Variants in CLPB observed in about 807,000 individuals in gnomAD.
The protein encoded by CLPB is mitochondrial disaggregase.
In CLPB, 40 loss-of-function variants were observed where a neutral mutation model predicts 78.4. The observed-to-expected ratio is 0.51, with a 90% CI of 0.40 to 0.66. CLPB has a LOEUF of 0.66. Among genes scored for constraint, CLPB ranks in the 30% least tolerant of loss-of-function variants. The pLI, the probability that CLPB is intolerant of heterozygous loss-of-function variation, is 0.00. For synonymous variants in CLPB, 333 were observed against 348.0 expected (o/e 0.96, Z 0.48); for missense variants, 780 against 886.9 (o/e 0.88, Z 1.53).
chr11:72,373,056 G>A (rs1951074329), intron 4 of CLPB: 25 of 1,558,342 alleles, frequency 1.6e-5, no homozygotes, highest in Non-Finnish European at 2.2e-5. Flanking sequence ...AGCAGGCCAG[G>A]TCCTGCAGGC....
In CLPB at chr11:72,289,478, A is replaced by G. The variant is rs1157620480; in HGVS notation, c.*3889T>C. On this transcript the variant is annotated 3_prime_UTR_variant, in exon 16 of 16. Transcript: ENST00000538039. ...AAGGAGCAGAAACAGAGATAGCAGGAGAAAAAGCAGAAAAAGAATAGTAAG... is the reference window on the plus strand; with the variant it reads ...AAGGAGCAGAAACAGAGATAGCAGGGGAAAAAGCAGAAAAAGAATAGTAAG... The G allele has an allele frequency of 6.6e-6, 1 of 152,218 alleles. No individual in the cohort carries two copies. The highest frequency in any genetic ancestry group is 1.5e-5 in the Non-Finnish European group (1 of 68,042). 9.4% of individuals were successfully genotyped at this position (152,218 alleles called of 1,614,324 possible). A position where few individuals can be genotyped will look rare whatever the true frequency, so the allele number is the denominator to read the frequency against.
chr11:72,286,090 A>C lies in CLPB; in HGVS notation c.*7277T>G, dbSNP rs2508866. ...GAGACCACAGGTGGATGCCACCACA[A>C]CCAGCTAATTTTTTGCAGAGATGGG... On this transcript the variant is annotated 3_prime_UTR_variant, in exon 16 of 16. Transcript: ENST00000538039. 15,863 of 151,664 alleles carry C rather than the reference A, an allele frequency of 0.1. 1,491 individuals are homozygous for C. Among genetic ancestry groups the C allele is most frequent in the African/African-American group, 0.25 (10,222 of 41,298 alleles). The allele number at this position is 151,664 out of a possible 1,614,324, so 9.4% of individuals were successfully genotyped here. A position where few individuals can be genotyped will look rare whatever the true frequency, so the allele number is the denominator to read the frequency against.
chr11:72,303,272 C>T (rs1949691523), intron 9 of CLPB, among the ~76,000 whole-genome samples: 1 of 152,234 alleles, frequency 6.6e-6, no homozygotes, highest in African/African-American at 2.4e-5. Flanking sequence ...TCCTGCTTCT[C>T]CTGAGAGCCG....
At chr11:72,315,521 C>T (rs1438384050) in intron 7 of CLPB, among the ~76,000 whole-genome samples, 8 of 152,212 alleles carry the variant, frequency 5.3e-5, no homozygotes, top group African/African-American at 1.9e-4. Flanking sequence ...TTATCTCCTC[C>T]GTTTGTAAGG....
intron 5 of CLPB, among the ~76,000 whole-genome samples, chr11:72,339,563 G>T (rs1200968211): frequency 6.6e-6 from 1 of 152,152 alleles, no homozygotes; most frequent in South Asian, 2.1e-4. Context: ...CGCTTAGGAG[G>T]TTTCCTACTT....
In CLPB at chr11:72,421,941, G is replaced by C. The variant is rs371121253; in HGVS notation, c.455+8371C>G. On this transcript the variant is annotated intron_variant, in intron 2 of 15. Transcript: ENST00000538039. ...AGCCTAGGGTTTCAGTGTGTGATCT[G>C]GACCCTTCCAGAAGGACTCAGCTTT... Among the ~76,000 whole-genome samples the C allele has an allele frequency of 1.2e-4, 19 of 152,260 alleles. No homozygotes were observed. In the South Asian group the frequency reaches 3.9e-3, roughly 32 times the overall value.
At chr11:72,309,989 A>G (rs2135515317) in intron 7 of CLPB, among the ~76,000 whole-genome samples, 1 of 152,332 alleles carries the variant, frequency 6.6e-6, no homozygotes, top group Admixed American at 6.5e-5. Context: ...AGGTCTGGGA[A>G]GGTTCTCTGG....
chr11:72,429,069 C>T (rs1326118612), intron 2 of CLPB: 1 of 152,164 alleles, frequency 6.6e-6, no homozygotes, highest in Non-Finnish European at 1.5e-5. Context: ...TACCCGTACT[C>T]CTGTACTGCA....
At chr11:72,369,182 C>T (rs1012087959) in intron 4 of CLPB, among the ~76,000 whole-genome samples, 4 of 152,140 alleles carry the variant, frequency 2.6e-5, no homozygotes, top group Non-Finnish European at 5.9e-5. Context: ...CTTTTTAGTG[C>T]AGACCCAGGG....
Position 72,291,723 on chromosome 11 carries a change from A to C in CLPB, c.*1644T>G, listed in dbSNP as rs1232746953. Reference sequence around the variant, plus strand: ...TTTCTGCAACTTTCTCTAAGTCTAAAATTATTTCAAAACAAAAAGTAAAAA... The same window carrying C: ...TTTCTGCAACTTTCTCTAAGTCTAACATTATTTCAAAACAAAAAGTAAAAA... On this transcript the variant is annotated 3_prime_UTR_variant, in exon 16 of 16. Transcript: ENST00000538039. The C allele has an allele frequency of 6.6e-6, 1 of 152,056 alleles. No homozygotes were observed. The highest frequency in any genetic ancestry group is 1.5e-5 in the Non-Finnish European group (1 of 68,024). The allele number at this position is 152,056 out of a possible 1,614,324, so 9.4% of individuals were successfully genotyped here. A position where few individuals can be genotyped will look rare whatever the true frequency, so the allele number is the denominator to read the frequency against.
At chr11:72,362,231 T>C (rs909965322) in intron 4 of CLPB, among the ~76,000 whole-genome samples, 4 of 152,340 alleles carry the variant, frequency 2.6e-5, no homozygotes, top group Admixed American at 6.5e-5. Flanking sequence ...CCTCCTACGT[T>C]TGAGGTAGTT....
rs1218680437 is a variant in CLPB, at chr11:72,294,008, G to A, written c.1785+14C>T. 1.9e-6 allele frequency: 3 copies of A among 1,609,948 alleles called. No homozygotes were observed. The highest frequency in any genetic ancestry group is 2.5e-6 in the Non-Finnish European group (3 of 1,177,258). On this transcript the variant is annotated intron_variant, in intron 15 of 15. Coordinates refer to ENST00000538039, the MANE Select transcript of CLPB (RefSeq NM_001258392.3). Reference sequence around the variant, plus strand: ...GGTGTGGAGGCGCCTCATTTCTCAGGCTCCTGTGCTCACCTCATGTTTGAT... The same window carrying A: ...GGTGTGGAGGCGCCTCATTTCTCAGACTCCTGTGCTCACCTCATGTTTGAT...
rs1949662852 is a variant in CLPB at position 72,301,905 on chromosome 11, C to T, written c.1227G>A (p.Leu409=). ...GYVGHEEGGQ[L]TKKLKQCPNA... is the part of the protein sequence containing the mutation. ...TGGGGCACTGCTTCAACTTCTTGGT[C>T]AGCTGGCCACCCTCCTCATGGCCAA... The change falls in exon 11 of 16, where the codon CTG becomes CTA. Residue 409 remains leucine (L), a synonymous_variant. Transcript: ENST00000538039. 2 of 1,614,102 alleles carry T rather than the reference C, an allele frequency of 1.2e-6. No homozygotes were observed. Among genetic ancestry groups the T allele is most frequent in the Non-Finnish European group, 1.7e-6 (2 of 1,180,046 alleles).
intron 2 of CLPB, among the ~76,000 whole-genome samples, chr11:72,412,820 T>C (rs1399412833): frequency 6.6e-6 from 1 of 152,234 alleles, no homozygotes; most frequent in Non-Finnish European, 1.5e-5. Flanking sequence ...CAGTGAATAC[T>C]TGCTGGATCA....
intron 2 of CLPB, among the ~76,000 whole-genome samples, chr11:72,405,921 C>T (rs1396955314): frequency 6.6e-6 from 1 of 150,530 alleles, no homozygotes; most frequent in African/African-American, 2.4e-5. Context: ...GAGTGAGACT[C>T]TGTCTCAAAA....
At chr11:72,353,722 T>C (rs1332320036) in intron 5 of CLPB, among the ~76,000 whole-genome samples, 1 of 152,150 alleles carries the variant, frequency 6.6e-6, no homozygotes, top group Non-Finnish European at 1.5e-5. Context: ...GAAGGTGGCA[T>C]GAGGCTGGTG....
intron 4 of CLPB, among the ~76,000 whole-genome samples, chr11:72,364,995 A>G (rs554492968): frequency 6.6e-6 from 1 of 152,340 alleles, no homozygotes; most frequent in South Asian, 2.1e-4. Flanking sequence ...CAGATGCTCA[A>G]TATCACTGGC....
chr11:72,405,942 A>C (rs1855697667), intron 2 of CLPB, among the ~76,000 whole-genome samples: 1 of 151,818 alleles, frequency 6.6e-6, no homozygotes, highest in East Asian at 1.9e-4. Flanking sequence ...AAAAAAAAAG[A>C]ATCCTCTTCA....
chr11:72,398,986 C>T (rs1855487861), intron 3 of CLPB, among the ~76,000 whole-genome samples: 1 of 152,008 alleles, frequency 6.6e-6, no homozygotes, highest in African/African-American at 2.4e-5. Flanking sequence ...CCCTGATAGC[C>T]TAGCACATTA....
Sources: allele counts gnomAD v4.1 joint callset (sites outside exome capture counted in the v4.1 genomes callset), GRCh38; gene constraint gnomAD v4.1.1; transcripts MANE v1.5; gene names NCBI Gene and HGNC (gene_info 2026-07-23, HGNC 2026-07-21).